THSD7A: variants seen among roughly 807,000 people sequenced by gnomAD.
THSD7A encodes the protein thrombospondin type-1 domain-containing protein 7A.
THSD7A carries 96 observed loss-of-function variants against 231.3 expected under a neutral mutation model. The ratio of observed to expected loss-of-function variants is 0.41; its 90% CI spans 0.35 to 0.49. The LOEUF is 0.49. THSD7A is among the 20% of genes least tolerant of loss of function. The probability of loss-of-function intolerance (pLI) is 0.05; values close to 1 mark genes in which losing one functional copy is unlikely to be tolerated. For synonymous variants in THSD7A, 940 were observed against 743.3 expected, an observed-to-expected ratio of 1.26 and a Z score of -4.30; for missense variants, 2,290 against 2,070.2, an observed-to-expected ratio of 1.11 and a Z score of -2.06.
chr7:11,566,968 G>GT (rs1269480989), intron 4 of THSD7A, among the ~76,000 whole-genome samples: 1 of 55,922 alleles, frequency 1.8e-5, no homozygotes, highest in East Asian at 5.4e-4. Context: ...GGGAGAGTGG[G>GT]GGGGGGACTG....
At chr7:11,800,504 G>A (rs1784245286) in intron 1 of THSD7A, among the ~76,000 whole-genome samples, 1 of 152,104 alleles carries the variant, frequency 6.6e-6, no homozygotes, top group South Asian at 2.1e-4. Context: ...AGCCAGGATT[G>A]TGCTGTTGCA....
At chr7:11,594,987 C>CT (rs1562755178) in intron 2 of THSD7A, among the ~76,000 whole-genome samples, 1 of 152,248 alleles carries the variant, frequency 6.6e-6, no homozygotes. Flanking sequence ...TCTGATGAAT[C>CT]TTTTTTGCCA....
At chr7:11,540,023 A>T (rs1789076408) in intron 6 of THSD7A, among the ~76,000 whole-genome samples, 1 of 152,192 alleles carries the variant, frequency 6.6e-6, no homozygotes, top group Admixed American at 6.5e-5. Flanking sequence ...CTAGGATTTA[A>T]AGTGTGAGTA....
chr7:11,379,515 A>G, intron 25 of THSD7A, 115 bp downstream of exon 25: 1 of 1,053,384 alleles, frequency 9.5e-7, no homozygotes, highest in South Asian at 1.5e-5. Flanking sequence ...GATGTCTAAA[A>G]TGGGATTTTT....
At chr7:11,689,272 T>A (rs540376988) in intron 1 of THSD7A, among the ~76,000 whole-genome samples, 38 of 152,000 alleles carry the variant, frequency 2.5e-4, no homozygotes, top group African/African-American at 7.9e-4. Flanking sequence ...TGCCGGTTCA[T>A]TGACTGCCTT....
At chr7:11,378,226 A>G (rs543436646) in intron 26 of THSD7A, 1 of 152,262 alleles carries the variant, frequency 6.6e-6, no homozygotes, top group South Asian at 2.1e-4. Context: ...AAAGTAGACT[A>G]TGCCTGGCTC....
chr7:11,701,364 G>C (rs1450265396), intron 1 of THSD7A, among the ~76,000 whole-genome samples: 1 of 151,218 alleles, frequency 6.6e-6, no homozygotes, highest in Non-Finnish European at 1.5e-5. Context: ...TTTGAAGACT[G>C]AAGCTCTTTG....
intron 1 of THSD7A, among the ~76,000 whole-genome samples, chr7:11,817,154 A>G (rs1562576015): frequency 6.6e-6 from 1 of 152,228 alleles, no homozygotes; most frequent in African/African-American, 2.4e-5. Flanking sequence ...ATATTCATAT[A>G]TCACACACAC....
chr7:11,750,492 C>T (rs1490904166), intron 1 of THSD7A, among the ~76,000 whole-genome samples: 1 of 151,922 alleles, frequency 6.6e-6, no homozygotes, highest in Non-Finnish European at 1.5e-5. Flanking sequence ...TAACATTGGT[C>T]CTGAAAGCTC....
intron 4 of THSD7A, among the ~76,000 whole-genome samples, chr7:11,580,536 G>C (rs1257916249): frequency 6.6e-6 from 1 of 152,016 alleles, no homozygotes; most frequent in African/African-American, 2.4e-5. Context: ...AAAATCACCA[G>C]AAAATACTAT....
chr7:11,649,699 T>C (rs1299774905), intron 1 of THSD7A, among the ~76,000 whole-genome samples: 2 of 152,064 alleles, frequency 1.3e-5, no homozygotes, highest in Non-Finnish European at 2.9e-5. Context: ...TGGGGACTTT[T>C]GTTATAACAC....
At chr7:11,381,596 G>T in intron 24 of THSD7A, among the ~76,000 whole-genome samples, 1 of 152,148 alleles carries the variant, frequency 6.6e-6, no homozygotes, top group East Asian at 1.9e-4. Context: ...CAAAACAGCA[G>T]CAAGTAAGCA....
At chr7:11,713,515 G>A (rs1350199012) in intron 1 of THSD7A, among the ~76,000 whole-genome samples, 1 of 151,192 alleles carries the variant, frequency 6.6e-6, no homozygotes, top group Non-Finnish European at 1.5e-5. Context: ...TACTCATGGA[G>A]GCATAAGTAG....
Position 11,568,765 on chromosome 7 carries a change from G to C in THSD7A, c.1453+21695C>G, listed in dbSNP as rs550099918. 4.6e-5 allele frequency among the ~76,000 whole-genome samples: 7 copies of C among 151,500 alleles called. No homozygotes were observed. In the South Asian group the frequency reaches 1.5e-3, roughly 32 times the overall value. On this transcript the variant is annotated intron_variant, in intron 4 of 27. Coordinates refer to ENST00000423059, the MANE Select transcript of THSD7A (RefSeq NM_015204.3). Reference sequence around the variant, plus strand: ...GGGAAAAATAAAAGGTATCCGTATTGGGAAAGAGGAAGTCAAACTGTCCCT... The same window carrying C: ...GGGAAAAATAAAAGGTATCCGTATTCGGAAAGAGGAAGTCAAACTGTCCCT...
At position 11,636,040 on chromosome 7, in the gene THSD7A, T is replaced by C. The variant is rs1781828930; in HGVS notation, c.1022+90A>G. 7.9e-7 allele frequency: 1 copy of C among 1,268,826 alleles called. No individual in the cohort carries two copies. Among genetic ancestry groups the C allele is most frequent in the Non-Finnish European group, 1.1e-6 (1 of 913,250 alleles). 78.6% of individuals were successfully genotyped at this position (1,268,826 alleles called of 1,614,324 possible). On this transcript the variant is annotated intron_variant, in intron 2 of 27. Coordinates refer to ENST00000423059, the MANE Select transcript of THSD7A (RefSeq NM_015204.3). This position sits in a 1 kb window ranked among gnomAD's most constrained non-coding sequence, Gnocchi z 10.0. ...CATCCTAGGTTGTGCCCCTACGTAA[T>C]CCAGAAGTTATTAGATAGTACCGGA...
At chr7:11,400,943 C>A (rs1021834116) in intron 23 of THSD7A, among the ~76,000 whole-genome samples, 1 of 152,036 alleles carries the variant, frequency 6.6e-6, no homozygotes, top group Admixed American at 6.6e-5. Flanking sequence ...TTTCCCAAAC[C>A]ACGACATTTA....
chr7:11,564,571 C>T (rs1409733345), intron 4 of THSD7A, among the ~76,000 whole-genome samples: 1 of 152,146 alleles, frequency 6.6e-6, no homozygotes, highest in African/African-American at 2.4e-5. Context: ...GGTGTCTGTT[C>T]CTCCAGTCTT....
chr7:11,477,579 A>G (rs556397383), intron 7 of THSD7A, among the ~76,000 whole-genome samples: 1 of 152,152 alleles, frequency 6.6e-6, no homozygotes, highest in East Asian at 1.9e-4. Context: ...TTCCTATTTA[A>G]TGGTCTGTTG....
chr7:11,426,158 T>C (rs1350547677), intron 15 of THSD7A, among the ~76,000 whole-genome samples: 1 of 151,718 alleles, frequency 6.6e-6, no homozygotes, highest in Admixed American at 6.6e-5. Context: ...GTATTAAAAA[T>C]AGAACTAAAT....
Sources: allele counts gnomAD v4.1 joint callset (sites outside exome capture counted in the v4.1 genomes callset), GRCh38; gene constraint gnomAD v4.1.1; non-coding constraint Gnocchi (gnomAD v3.1); transcripts MANE v1.5; gene names NCBI Gene and HGNC (gene_info 2026-07-23, HGNC 2026-07-21).